Variants in C18orf63 observed in about 807,000 individuals in gnomAD.
The protein encoded by C18orf63 is chromosome 18 open reading frame 63.
A neutral mutation model predicts 75.3 loss-of-function variants in C18orf63; 50 were observed. The ratio of observed to expected loss-of-function variants is 0.66; its 90% CI spans 0.53 to 0.84. The LOEUF (loss-of-function observed/expected upper bound fraction) is 0.84, where lower values mean the gene tolerates loss of function less well. Among genes scored for constraint, C18orf63 ranks in the 40% least tolerant of loss-of-function variants. The pLI is 0.00. For synonymous variants in C18orf63, 232 were observed against 267.6 expected (o/e 0.87, Z 1.30); for missense variants, 732 against 800.2 (o/e 0.91, Z 1.03).
chr18:74,326,962 G>T (rs376845679), intron 4 of C18orf63, among the ~76,000 whole-genome samples: 164 of 152,198 alleles, frequency 1.1e-3, no homozygotes, highest in African/African-American at 3.7e-3. Context: ...CATTACAACT[G>T]TCCCAGCACT....
chr18:74,322,145 A>C (rs902305494), intron 3 of C18orf63, among the ~76,000 whole-genome samples: 15 of 152,198 alleles, frequency 9.9e-5, no homozygotes, highest in African/African-American at 3.6e-4. Context: ...ACTTTAAACT[A>C]TAATATAGAT....
intron 7 of C18orf63, among the ~76,000 whole-genome samples, chr18:74,333,741 A>T (rs756816537): frequency 6.6e-6 from 1 of 152,170 alleles, no homozygotes; most frequent in Admixed American, 6.5e-5. Flanking sequence ...CCATATCACC[A>T]TCCATATGCC....
At chr18:74,339,962 G>A (rs112901387) in intron 8 of C18orf63, among the ~76,000 whole-genome samples, 52 of 152,188 alleles carry the variant, frequency 3.4e-4, no homozygotes, top group Middle Eastern at 3.4e-3. Flanking sequence ...TGAAAACTAC[G>A]TATCTGTGAA....
intron 8 of C18orf63, among the ~76,000 whole-genome samples, chr18:74,340,705 C>T (rs577547144): frequency 3.3e-5 from 5 of 151,924 alleles, no homozygotes; most frequent in African/African-American, 1.2e-4. Context: ...TCATTTGCAA[C>T]ATGGATGAAT....
intron 7 of C18orf63, among the ~76,000 whole-genome samples, chr18:74,332,174 C>T (rs1477282343): frequency 6.6e-6 from 1 of 152,106 alleles, no homozygotes; most frequent in Non-Finnish European, 1.5e-5. Context: ...GTTATAGAGG[C>T]CATGTCTGGT....
intron 7 of C18orf63, among the ~76,000 whole-genome samples, chr18:74,335,637 T>A (rs1599004901): frequency 6.6e-6 from 1 of 152,168 alleles, no homozygotes; most frequent in African/African-American, 2.4e-5. Context: ...ACTGTTTGCT[T>A]TGAAATTTAA....
chr18:74,349,190 CT>C (rs1329441923), intron 11 of C18orf63, among the ~76,000 whole-genome samples: 1 of 152,126 alleles, frequency 6.6e-6, no homozygotes, highest in Non-Finnish European at 1.5e-5. Context: ...AATTCTTTAA[CT>C]TTTTTTCATG....
chr18:74,347,071 G>A (rs1315473530), intron 11 of C18orf63, among the ~76,000 whole-genome samples: 2 of 152,214 alleles, frequency 1.3e-5, no homozygotes, highest in Non-Finnish European at 2.9e-5. Flanking sequence ...GAAACAGGCT[G>A]CCTGAATTTG....
intron 7 of C18orf63, among the ~76,000 whole-genome samples, chr18:74,337,699 T>C (rs1984414817): frequency 6.6e-6 from 1 of 152,170 alleles, no homozygotes; most frequent in Admixed American, 6.5e-5. Context: ...TTATTCATTC[T>C]GCGTGTCCTT....
chr18:74,318,721 T>C (rs1231439913), intron 2 of C18orf63, among the ~76,000 whole-genome samples: 4 of 148,864 alleles, frequency 2.7e-5, no homozygotes, highest in Admixed American at 2.0e-4. Context: ...ACCTGGGAGG[T>C]AGAGGTTGCA....
chr18:74,334,961 C>A lies in C18orf63; in HGVS notation c.502-3754C>A, dbSNP rs76744431. Among the ~76,000 whole-genome samples, 1,074 of 152,248 alleles carry A rather than the reference C, an allele frequency of 7.1e-3. 10 individuals are homozygous for A. Among genetic ancestry groups the A allele is most frequent in the South Asian group, 0.019 (93 of 4,822 alleles). On this transcript the variant is annotated intron_variant, in intron 7 of 13. Transcript: ENST00000579455. ...CTCACAGTTGTCTAAGCCTGTAATTCCCTTTCTTCTGCTCATCTTTCAAGG... is the reference window on the plus strand; with the variant it reads ...CTCACAGTTGTCTAAGCCTGTAATTACCTTTCTTCTGCTCATCTTTCAAGG...
At chr18:74,328,854 A>G in intron 5 of C18orf63, 141 bp from the exon 6 acceptor site, 1 of 482,170 alleles carries the variant, frequency 2.1e-6, no homozygotes, top group East Asian at 3.0e-5. Context: ...TTCAGCTGTC[A>G]TCAGGTATTA....
rs932518556 is a variant in C18orf63, at chr18:74,343,575, C to T, written c.851C>T (p.Ser284Leu). Reference sequence around the variant, plus strand: ...ATGCAGTTCTTTCCAAGGGTAGATTCGGAAGTTGTGTTGAAAAGTTTTCTT... The same window carrying T: ...ATGCAGTTCTTTCCAAGGGTAGATTTGGAAGTTGTGTTGAAAAGTTTTCTT... The part of the protein sequence containing the change: ...QPMQFFPRVD[S>L]EVVLKSFLSD... Residue 284 changes from serine to leucine, a missense_variant, in exon 11 of 14, where the codon TCG becomes TTG. Around this residue, in one of 3 missense-constraint regions of C18orf63, gnomAD observed 495 missense variants for 508.7 expected, o/e 0.97. Coordinates refer to ENST00000579455, the MANE Select transcript of C18orf63 (RefSeq NM_001174123.2). 15 of 1,534,380 alleles carry T rather than the reference C, an allele frequency of 9.8e-6. No individual in the cohort carries two copies. Among genetic ancestry groups the T allele is most frequent in the African/African-American group, 2.7e-5 (2 of 72,936 alleles).
intron 8 of C18orf63, among the ~76,000 whole-genome samples, chr18:74,341,462 A>G (rs1036880467): frequency 1.3e-5 from 2 of 152,064 alleles, no homozygotes; most frequent in Non-Finnish European, 2.9e-5. Context: ...GCAGGCAGTC[A>G]CCTGAGGCCA....
At chr18:74,344,127 T>C (rs1364622327) in intron 11 of C18orf63, among the ~76,000 whole-genome samples, 1 of 152,122 alleles carries the variant, frequency 6.6e-6, no homozygotes, top group African/African-American at 2.4e-5. Flanking sequence ...TGATCCCTGC[T>C]GTATAAGGAA....
In C18orf63 at chr18:74,343,686, C is replaced by T; in HGVS notation, c.962C>T (p.Thr321Ile). 6.6e-7 allele frequency: 1 copy of T among 1,523,976 alleles called. No individual in the cohort carries two copies. Among genetic ancestry groups the T allele is most frequent in the Non-Finnish European group, 8.8e-7 (1 of 1,140,474 alleles). The allele number at this position is 1,523,976 out of a possible 1,614,324, so 94.4% of individuals were successfully genotyped here. ...CCATGCTACTACACACAAGAACTAA[C>T]TAAACCTAATATACAGGTAAGAGAT... ...SKPCYYTQEL[T>I]KPNIQEHKVK... The change falls in exon 11 of 14, where the codon ACT (threonine) becomes ATT (isoleucine). Residue 321 changes from threonine (T) to isoleucine (I), a missense_variant. By Grantham distance (89) the Thr-to-Ile change is moderately conservative. Coordinates refer to ENST00000579455, the MANE Select transcript of C18orf63 (RefSeq NM_001174123.2).
intron 11 of C18orf63, among the ~76,000 whole-genome samples, chr18:74,347,848 C>A (rs903509389): frequency 1.2e-4 from 19 of 152,054 alleles, no homozygotes; most frequent in Non-Finnish European, 2.9e-5. Context: ...AGTATAATCA[C>A]CTCTCATGTG....
intron 8 of C18orf63, among the ~76,000 whole-genome samples, chr18:74,340,130 G>A (rs1467805364): frequency 6.7e-6 from 1 of 149,446 alleles, no homozygotes; most frequent in African/African-American, 2.4e-5. Context: ...ACTATCCAAA[G>A]TATATAAGGA....
At chr18:74,349,757 A>G (rs993177942) in intron 11 of C18orf63, among the ~76,000 whole-genome samples, 5 of 152,032 alleles carry the variant, frequency 3.3e-5, no homozygotes, top group African/African-American at 1.2e-4. Flanking sequence ...CCTCTATAGC[A>G]AGAGAATGGT....
Sources: allele counts gnomAD v4.1 joint callset (sites outside exome capture counted in the v4.1 genomes callset), GRCh38; gene constraint gnomAD v4.1.1; regional missense constraint gnomAD v4.1.1; transcripts MANE v1.5; gene names NCBI Gene and HGNC (gene_info 2026-07-23, HGNC 2026-07-21).